Variants in VAPB observed in about 807,000 individuals in gnomAD.
The protein encoded by VAPB is vesicle-associated membrane protein-associated protein B/C.
In VAPB, 7 loss-of-function variants were observed where a neutral mutation model predicts 25.6. The ratio of observed to expected loss-of-function variants is 0.27; its 90% CI spans 0.16 to 0.51. The LOEUF is 0.51. VAPB is among the 20% of genes least tolerant of loss of function. The pLI is 0.97. For synonymous variants in VAPB, 112 were observed against 109.2 expected (o/e 1.03, Z -0.16); for missense variants, 266 against 301.3 (o/e 0.88, Z 0.87).
At chr20:58,408,260 A>G (rs755286195) in intron 1 of VAPB, among the ~76,000 whole-genome samples, 2 of 152,202 alleles carry the variant, frequency 1.3e-5, no homozygotes, top group Non-Finnish European at 2.9e-5. Context: ...GCTCCCGAGG[A>G]TACCAGGAGA....
chr20:58,415,871 C>T (rs1254625363), intron 1 of VAPB, among the ~76,000 whole-genome samples: 1 of 152,172 alleles, frequency 6.6e-6, no homozygotes, highest in African/African-American at 2.4e-5. Context: ...AGAACACTAA[C>T]ATGGTTTATT....
chr20:58,402,116 C>T (rs955189141), intron 1 of VAPB, among the ~76,000 whole-genome samples: 1 of 152,190 alleles, frequency 6.6e-6, no homozygotes, highest in Non-Finnish European at 1.5e-5. Context: ...CATTAAATGT[C>T]TTCCTGTTGC....
At chr20:58,430,213 C>T (rs1351433412) in intron 2 of VAPB, among the ~76,000 whole-genome samples, 1 of 151,332 alleles carries the variant, frequency 6.6e-6, no homozygotes, top group African/African-American at 2.4e-5. Context: ...AATTAGGAGA[C>T]TGATACTTGA....
Position 58,449,987 on chromosome 20 carries a change from A to C in VAPB, c.*5752A>C, listed in dbSNP as rs1176929974. 4.4e-6 allele frequency: 2 copies of C among 454,018 alleles called. No individual in the cohort carries two copies. Among genetic ancestry groups the C allele is most frequent in the South Asian group, 3.1e-5 (2 of 64,474 alleles). The allele number at this position is 454,018 out of a possible 1,614,324, so 28.1% of individuals were successfully genotyped here. ...CTAAGGGAGACTAATCAGATATCTT[A>C]ACACAATTTCATCCAGGCTTAGTGC... On this transcript the variant is annotated 3_prime_UTR_variant, in exon 6 of 6. Coordinates refer to ENST00000475243, the MANE Select transcript of VAPB (RefSeq NM_004738.5).
intron 2 of VAPB, among the ~76,000 whole-genome samples, chr20:58,422,605 A>ATT (rs768230345): frequency 7.2e-6 from 1 of 138,604 alleles, no homozygotes; most frequent in South Asian, 2.3e-4. Context: ...GTGGTTGTGG[A>ATT]TTTTTTTTTT....
chr20:58,409,904 T>TATACAC (rs1555811895), intron 1 of VAPB, among the ~76,000 whole-genome samples: 7,352 of 148,152 alleles, frequency 0.05, 251 homozygotes, highest in Non-Finnish European at 0.077. Context: ...TTTATTCATA[T>TATACAC]ACACACACAC....
chr20:58,409,041 C>CA (rs1988308191), intron 1 of VAPB, among the ~76,000 whole-genome samples: 1 of 152,116 alleles, frequency 6.6e-6, no homozygotes, highest in Admixed American at 6.6e-5. Context: ...GATGTGCTTA[C>CA]AGAGGGTGCA....
intron 2 of VAPB, among the ~76,000 whole-genome samples, chr20:58,434,059 C>T (rs1030482569): frequency 2.0e-5 from 3 of 152,218 alleles, no homozygotes; most frequent in Admixed American, 6.5e-5. Context: ...AAGCTGATAC[C>T]GTTTTCCCTG....
intron 1 of VAPB, among the ~76,000 whole-genome samples, chr20:58,414,673 C>G (rs891419330): frequency 3.3e-5 from 5 of 151,218 alleles, no homozygotes; most frequent in African/African-American, 4.9e-5. Flanking sequence ...TGATGGCGGC[C>G]GGAAAGAGGC....
chr20:58,407,013 A>G (rs902476946), intron 1 of VAPB, among the ~76,000 whole-genome samples: 2 of 152,218 alleles, frequency 1.3e-5, no homozygotes, highest in African/African-American at 4.8e-5. Context: ...CATTGAAAAA[A>G]TTCAGTTTAT....
chr20:58,441,196 T>G (rs969526394), intron 5 of VAPB, 113 bp downstream of exon 5: 3 of 1,243,656 alleles, frequency 2.4e-6, no homozygotes, highest in African/African-American at 3.0e-5. Flanking sequence ...CTTTTGGTAT[T>G]TGGCTATTTT....
chr20:58,430,043 T>TAAA (rs370143812), intron 2 of VAPB, among the ~76,000 whole-genome samples: 2 of 142,906 alleles, frequency 1.4e-5, no homozygotes, highest in African/African-American at 2.6e-5. Context: ...CCTCATCTCT[T>TAAA]AAAAAAAAAA....
In VAPB at chr20:58,444,072, C is replaced by T. The variant is rs200211497; in HGVS notation, c.574-5C>T. 173 of 1,614,102 alleles carry T rather than the reference C, an allele frequency of 1.1e-4. No homozygotes were observed. The highest frequency in any genetic ancestry group is 6.2e-4 in the Admixed American group (37 of 60,014). On this transcript the variant is annotated splice_polypyrimidine_tract_variant and splice_region_variant and intron_variant, in intron 5 of 5. Coordinates refer to ENST00000475243, the MANE Select transcript of VAPB (RefSeq NM_004738.5). ...TGTCTTTGAAATGTGCGTTTGCTCC[C>T]GTAGGAAGAAGATGGACTGCGGATG...
At chr20:58,442,014 G>A (rs1430731968) in intron 5 of VAPB, among the ~76,000 whole-genome samples, 1 of 152,162 alleles carries the variant, frequency 6.6e-6, no homozygotes, top group Non-Finnish European at 1.5e-5. Context: ...GTGATGAAGT[G>A]GGGAGGCAGG....
intron 2 of VAPB, among the ~76,000 whole-genome samples, chr20:58,427,926 TGATCTGTGATCTGTTACCATTATGATG>T (rs1988841568): frequency 2.0e-5 from 3 of 146,820 alleles, no homozygotes; most frequent in Middle Eastern, 3.2e-3. Context: ...CAGGGGAAAG[TGATCTGTGATCTGTTACCATTATGATG>T]CAGGCGAAAG....
intron 2 of VAPB, among the ~76,000 whole-genome samples, chr20:58,426,937 G>A (rs141000453): frequency 8.5e-5 from 13 of 152,270 alleles, no homozygotes; most frequent in Non-Finnish European, 1.3e-4. Context: ...CTCTGTTACC[G>A]TTATAATGCA....
intron 1 of VAPB, among the ~76,000 whole-genome samples, chr20:58,412,414 T>TA (rs200575387): frequency 0.017 from 2,651 of 152,162 alleles, 230 homozygotes; most frequent in Admixed American, 0.15. Context: ...ACCCTGTCTC[T>TA]ATTAAAAATA....
chr20:58,440,050 T>C (rs1989127919), intron 4 of VAPB: 1 of 152,192 alleles, frequency 6.6e-6, no homozygotes, highest in Admixed American at 6.5e-5. Context: ...CTGAATCATT[T>C]ACCACTATCA....
At chr20:58,440,071 T>A (rs563695044) in intron 4 of VAPB, 1 of 152,308 alleles carries the variant, frequency 6.6e-6, no homozygotes, top group East Asian at 1.9e-4. Flanking sequence ...TTACCCTGTT[T>A]CTTTAAGTGG....
Sources: allele counts gnomAD v4.1 joint callset (sites outside exome capture counted in the v4.1 genomes callset), GRCh38; gene constraint gnomAD v4.1.1; transcripts MANE v1.5; gene names NCBI Gene and HGNC (gene_info 2026-07-23, HGNC 2026-07-21).